The following AKAP9 variants were observed in gnomAD, a reference collection of about 807,000 sequenced individuals.
AKAP9 encodes the protein A-kinase anchoring protein 9.
In AKAP9, 311 loss-of-function variants were observed where a neutral mutation model predicts 488.5. That is an observed-to-expected ratio of 0.64 (90% CI 0.58 to 0.70). The LOEUF (loss-of-function observed/expected upper bound fraction) is 0.70. Among genes scored for constraint, AKAP9 ranks in the 30% least tolerant of loss-of-function variants. AKAP9 has a pLI of 0.00. For missense variants in AKAP9, 4,215 were observed against 4,374.5 expected, an observed-to-expected ratio of 0.96 and a Z score of 1.03; for synonymous variants, 1,462 against 1,483.5, an observed-to-expected ratio of 0.99 and a Z score of 0.33.
intron 8 of AKAP9, among the ~76,000 whole-genome samples, chr7:92,008,954 C>T (rs1453784890): frequency 1.3e-5 from 2 of 150,590 alleles, no homozygotes; most frequent in African/African-American, 4.9e-5. Context: ...CCACTGCACT[C>T]CAGCCTGGCA....
At chr7:92,033,422 T>TTTTTC (rs1242512164) in intron 16 of AKAP9, among the ~76,000 whole-genome samples, 158 of 150,804 alleles carry the variant, frequency 1.0e-3, no homozygotes, top group African/African-American at 3.6e-3. Flanking sequence ...CTGAGAGCCA[T>TTTTTC]TTTTCTTTTC....
chr7:92,038,855 T>G (rs1805594546), intron 17 of AKAP9, 83 bp downstream of exon 17: 2 of 943,458 alleles, frequency 2.1e-6, no homozygotes, highest in African/African-American at 1.7e-5. Context: ...ATAGTGCTGC[T>G]TAATGTTTGG....
chr7:92,040,588 G>A (rs763354189), intron 17 of AKAP9, 86 bp from the exon 18 acceptor site: 34 of 929,416 alleles, frequency 3.7e-5, no homozygotes, highest in Middle Eastern at 4.5e-4. Flanking sequence ...AATTGCTTTC[G>A]TATTTGTTTA....
At chr7:91,979,876 T>A (rs530978732) in intron 2 of AKAP9, among the ~76,000 whole-genome samples, 1 of 152,188 alleles carries the variant, frequency 6.6e-6, no homozygotes, top group Non-Finnish European at 1.5e-5. Context: ...GAATTGTTTA[T>A]TTTTGGAATT....
chr7:92,050,504 CGTT>C (rs1192953612), intron 21 of AKAP9, among the ~76,000 whole-genome samples: 2 of 152,156 alleles, frequency 1.3e-5, no homozygotes, highest in African/African-American at 4.8e-5. Flanking sequence ...TCTTCCCAGT[CGTT>C]GTCTTGTTTG....
chr7:92,071,388 G>GT lies in AKAP9; in HGVS notation c.6612+393dup, dbSNP rs199723894. Among the ~76,000 whole-genome samples, 566 of 142,474 alleles carry GT rather than the reference G, an allele frequency of 4.0e-3. 1 individual carries two copies. The highest frequency in any genetic ancestry group is 5.8e-3 in the Admixed American group (82 of 14,258). The allele number at this position is 142,474 out of a possible 152,430, so 93.5% of individuals were successfully genotyped here. On this transcript the variant is annotated intron_variant, in intron 28 of 49. Coordinates refer to ENST00000356239, the MANE Select transcript of AKAP9 (RefSeq NM_005751.5). Reference sequence around the variant, plus strand: ...TGAATTATTGCTGCTTTGCTGTGTGGTTTTTTTTTTTTTTATTGTATTGCC... The same window carrying GT: ...TGAATTATTGCTGCTTTGCTGTGTGGTTTTTTTTTTTTTTTATTGTATTGCC...
At chr7:91,942,264 G>T (rs1408905568) in intron 1 of AKAP9, among the ~76,000 whole-genome samples, 1 of 152,086 alleles carries the variant, frequency 6.6e-6, no homozygotes. Flanking sequence ...GGGCCATACC[G>T]CAGAGATGCA....
At chr7:92,010,984 A>T (rs1323674563) in intron 8 of AKAP9, among the ~76,000 whole-genome samples, 2 of 152,222 alleles carry the variant, frequency 1.3e-5, no homozygotes, top group Non-Finnish European at 2.9e-5. Context: ...ATTGGAAAAG[A>T]ATCCATAAAA....
intron 3 of AKAP9, among the ~76,000 whole-genome samples, chr7:91,989,494 G>A (rs1202982416): frequency 1.3e-5 from 2 of 152,050 alleles, no homozygotes; most frequent in African/African-American, 4.8e-5. Context: ...TTTGAGCAGG[G>A]TTATTTGGAG....
At chr7:92,036,174 C>T (rs1455320738) in intron 16 of AKAP9, among the ~76,000 whole-genome samples, 1 of 151,986 alleles carries the variant, frequency 6.6e-6, no homozygotes, top group Non-Finnish European at 1.5e-5. Flanking sequence ...GGTAACATTC[C>T]AGTGTTTTCT....
intron 8 of AKAP9, 59 bp downstream of exon 8, chr7:92,003,294 A>G (rs1799397881): frequency 1.5e-6 from 2 of 1,306,662 alleles, no homozygotes; most frequent in Admixed American, 3.4e-5. Flanking sequence ...ATTTCACACT[A>G]AGGTTTCACC....
chr7:92,056,375 T>C (rs1392281677), intron 22 of AKAP9, among the ~76,000 whole-genome samples: 1 of 151,404 alleles, frequency 6.6e-6, no homozygotes, highest in Admixed American at 6.6e-5. Context: ...AGGCTAAGCA[T>C]GGGTCCCCAC....
At position 92,079,423 on chromosome 7, in the gene AKAP9, A is replaced by T; in HGVS notation, c.7290A>T (p.Leu2430Phe). The change falls in exon 31 of 50, where the codon TTA becomes TTT. Residue 2430 changes from leucine to phenylalanine, a missense_variant. Transcript: ENST00000356239. The stretch of plus-strand genomic sequence containing the variant: ...AAATGAATCAGCTAACACAGGAATT[A>T]TTCAGCTTAAAGAGAGAACGTGAAA... ...NFKMNQLTQE[L>F]FSLKRERESV... 1.9e-6 allele frequency: 3 copies of T among 1,614,138 alleles called. No homozygotes were observed. Among genetic ancestry groups the T allele is most frequent in the Non-Finnish European group, 8.5e-7 (1 of 1,180,002 alleles).
At chr7:92,015,604 T>A (rs976251537) in intron 10 of AKAP9, among the ~76,000 whole-genome samples, 1 of 152,086 alleles carries the variant, frequency 6.6e-6, no homozygotes, top group African/African-American at 2.4e-5. Flanking sequence ...CCTCAGGTGA[T>A]CCACCTTCCT....
Position 92,001,440 on chromosome 7 carries a change from A to T in AKAP9, c.1523A>T (p.Gln508Leu). ...LNIKLQDTNSQKEKLKEELGL... is the reference protein window; with the variant it reads ...LNIKLQDTNSLKEKLKEELGL... The stretch of plus-strand genomic sequence containing the variant: ...ATAAAATTGCAAGATACTAACTCTC[A>T]AAAGGAAAAACTCAAGGAAGAACTA... The change falls in exon 8 of 50, where the codon CAA (glutamine) becomes CTA (leucine). Residue 508 changes from glutamine (Q) to leucine (L), a missense_variant. By Grantham distance (113) the Gln-to-Leu change is moderately radical (BLOSUM62 -2). Around this residue, in one of 5 missense-constraint regions of AKAP9, gnomAD observed 2,361 missense variants for 2,430.0 expected, o/e 0.97. Coordinates refer to ENST00000356239, the MANE Select transcript of AKAP9 (RefSeq NM_005751.5). The T allele has an allele frequency of 6.2e-7, 1 of 1,613,874 alleles. No homozygotes were observed. The highest frequency in any genetic ancestry group is 1.6e-4 in the Middle Eastern group (1 of 6,062).
intron 28 of AKAP9, among the ~76,000 whole-genome samples, chr7:92,071,643 C>T (rs1266206526): frequency 6.6e-6 from 1 of 152,094 alleles, no homozygotes; most frequent in Non-Finnish European, 1.5e-5. Context: ...TTTTAAAAAA[C>T]ATATCCTACT....
intron 1 of AKAP9, among the ~76,000 whole-genome samples, chr7:91,947,474 C>T (rs1010428380): frequency 6.6e-6 from 1 of 151,838 alleles, no homozygotes; most frequent in Non-Finnish European, 1.5e-5. Flanking sequence ...TCCCGAGTAG[C>T]TGGGACTACA....
chr7:91,994,820 T>C (rs775145076), intron 6 of AKAP9, 44 bp downstream of exon 6: 25 of 1,559,278 alleles, frequency 1.6e-5, no homozygotes, highest in Non-Finnish European at 2.1e-5. Context: ...TTTTTAGTAA[T>C]GAATTTTAAA....
intron 1 of AKAP9, among the ~76,000 whole-genome samples, chr7:91,953,958 A>G (rs1270251077): frequency 6.6e-6 from 1 of 152,170 alleles, no homozygotes; most frequent in Non-Finnish European, 1.5e-5. Flanking sequence ...AAAATAGCCA[A>G]GTGTAAGCAG....
Sources: gnomAD v4.1 joint callset for allele counts (sites outside exome capture counted in the v4.1 genomes callset) on GRCh38, gnomAD v4.1.1 for gene constraint, gnomAD v4.1.1 regional missense constraint, MANE v1.5 for transcripts, NCBI Gene and HGNC (gene_info 2026-07-23, HGNC 2026-07-21) for gene names.